Variants in GRM7 observed in about 807,000 individuals in gnomAD.
GRM7 encodes metabotropic glutamate receptor 7.
Under a neutral mutation model 84.5 loss-of-function variants are expected in GRM7, and 35 were observed. That is an observed-to-expected ratio of 0.41 (90% CI 0.32 to 0.55). The LOEUF is 0.55. Ranked by LOEUF, GRM7 falls within the 20% of genes least tolerant of loss-of-function variation. GRM7 has a pLI of 0.19. For synonymous variants in GRM7, 487 were observed against 455.1 expected (o/e 1.07, Z -0.89); for missense variants, 1,003 against 1,194.6 (o/e 0.84, Z 2.36).
At chr3:6,998,296 T>C (rs1575113769) in intron 1 of GRM7, among the ~76,000 whole-genome samples, 1 of 151,976 alleles carries the variant, frequency 6.6e-6, no homozygotes, top group East Asian at 1.9e-4. Context: ...TTAGAAATAA[T>C]CTCCTTTAAC....
chr3:7,255,796 A>G (rs777668024), intron 2 of GRM7, among the ~76,000 whole-genome samples: 1 of 152,158 alleles, frequency 6.6e-6, no homozygotes, highest in East Asian at 1.9e-4. Context: ...AAGCACACTA[A>G]CCAGCAATAA....
chr3:6,913,833 A>G (rs1015904432), intron 1 of GRM7, among the ~76,000 whole-genome samples: 4 of 152,320 alleles, frequency 2.6e-5, no homozygotes, highest in South Asian at 2.1e-4. Context: ...ACAGAATGAT[A>G]GAGTTCATAA....
intron 2 of GRM7, among the ~76,000 whole-genome samples, chr3:7,167,019 G>T (rs1286594985): frequency 6.6e-6 from 1 of 152,176 alleles, no homozygotes; most frequent in East Asian, 1.9e-4. Context: ...TATCTCAAAT[G>T]AGGTGATAAA....
rs4054139 is a variant in GRM7 at position 7,634,503 on chromosome 3, G to T, written c.2452-45546G>T. 6.3e-5 allele frequency among the ~76,000 whole-genome samples: 4 copies of T among 63,934 alleles called. 1 individual carries two copies. Among genetic ancestry groups the T allele is most frequent in the South Asian group, 7.3e-4 (1 of 1,378 alleles). 41.9% of individuals were successfully genotyped at this position (63,934 alleles called of 152,430 possible). A position where few individuals can be genotyped will look rare whatever the true frequency, so the allele number is the denominator to read the frequency against. On this transcript the variant is annotated intron_variant, in intron 8 of 9. Coordinates refer to ENST00000357716, the MANE Select transcript of GRM7 (RefSeq NM_000844.4). Reference sequence around the variant, plus strand: ...CCAAAAAAAAAAAAAAAAAAAAAAAGGGCTGGGCTCCATGGCTCACGCCTG... The same window carrying T: ...CCAAAAAAAAAAAAAAAAAAAAAAATGGCTGGGCTCCATGGCTCACGCCTG...
intron 1 of GRM7, among the ~76,000 whole-genome samples, chr3:7,070,418 A>T (rs565386433): frequency 1.8e-4 from 27 of 152,246 alleles, no homozygotes; most frequent in Non-Finnish European, 4.0e-4. Flanking sequence ...TGCATTAATT[A>T]CAAATGAATG....
chr3:6,969,121 A>T (rs1210538892), intron 1 of GRM7, among the ~76,000 whole-genome samples: 1 of 151,968 alleles, frequency 6.6e-6, no homozygotes, highest in Non-Finnish European at 1.5e-5. Flanking sequence ...CCAGTAATTT[A>T]AAAACTACCA....
At chr3:6,884,753 C>G (rs1339467727) in intron 1 of GRM7, among the ~76,000 whole-genome samples, 1 of 152,076 alleles carries the variant, frequency 6.6e-6, no homozygotes, top group Non-Finnish European at 1.5e-5. Flanking sequence ...ACGCCCACCA[C>G]CACACCTGGC....
intron 9 of GRM7, among the ~76,000 whole-genome samples, chr3:7,691,513 T>C (rs569926929): frequency 1.3e-5 from 2 of 152,290 alleles, no homozygotes; most frequent in East Asian, 1.9e-4. Context: ...TTTAATAAGA[T>C]GGAAATAAGC....
chr3:7,696,682 C>T (rs2125155155), intron 9 of GRM7, among the ~76,000 whole-genome samples: 1 of 152,218 alleles, frequency 6.6e-6, no homozygotes, highest in Non-Finnish European at 1.5e-5. Context: ...ATTGACGTGT[C>T]TTATTTTTTT....
At chr3:6,924,701 G>A (rs1162784196) in intron 1 of GRM7, among the ~76,000 whole-genome samples, 1 of 151,756 alleles carries the variant, frequency 6.6e-6, no homozygotes, top group Non-Finnish European at 1.5e-5. Context: ...CAGTTTTATA[G>A]ATATATATAA....
At chr3:6,985,837 G>A (rs1265013565) in intron 1 of GRM7, among the ~76,000 whole-genome samples, 1 of 152,144 alleles carries the variant, frequency 6.6e-6, no homozygotes, top group Non-Finnish European at 1.5e-5. Context: ...AAATATTAAG[G>A]TATTAATACT....
At position 7,504,352 on chromosome 3, in the gene GRM7, C is replaced by T. The variant is rs370027853; in HGVS notation, c.1515+42630C>T. On this transcript the variant is annotated intron_variant, in intron 7 of 9. Transcript: ENST00000357716. ...ATTCATGCCTCAGTTCTCCAATCAG[C>T]TGCCTCCTTCTCTTTAGATAGATCT... Among the ~76,000 whole-genome samples the T allele has an allele frequency of 2.1e-4, 32 of 152,312 alleles. No homozygotes were observed. In the South Asian group the frequency reaches 2.3e-3, roughly 11 times the overall value.
chr3:7,692,225 C>G (rs982613985), intron 9 of GRM7, among the ~76,000 whole-genome samples: 1 of 152,136 alleles, frequency 6.6e-6, no homozygotes, highest in Non-Finnish European at 1.5e-5. Context: ...AGGCTCATAC[C>G]ACCTGATATA....
chr3:7,202,019 A>G (rs1300214219), intron 2 of GRM7, among the ~76,000 whole-genome samples: 1 of 152,010 alleles, frequency 6.6e-6, no homozygotes, highest in African/African-American at 2.4e-5. Flanking sequence ...TCAACCTTAC[A>G]GGAACTTTAA....
chr3:6,956,527 C>T lies in GRM7; in HGVS notation c.519+94620C>T, dbSNP rs1052300931. The T allele has an allele frequency of 1.3e-5, 6 of 455,014 alleles. No individual in the cohort carries two copies. The East Asian group carries it at 2.1e-4, about 16-fold the overall frequency. 28.2% of individuals were successfully genotyped at this position (455,014 alleles called of 1,614,324 possible). A position where few individuals can be genotyped will look rare whatever the true frequency, so the allele number is the denominator to read the frequency against. On this transcript the variant is annotated intron_variant, in intron 1 of 9. Transcript: ENST00000357716. ...TATGAGAAGAAAACCAGAGAGATTTCTGTGGCATATTTTCCACACTCTCTC... is the reference window on the plus strand; with the variant it reads ...TATGAGAAGAAAACCAGAGAGATTTTTGTGGCATATTTTCCACACTCTCTC...
chr3:7,729,003 C>T (rs1702221248), intron 9 of GRM7, among the ~76,000 whole-genome samples: 1 of 151,526 alleles, frequency 6.6e-6, no homozygotes, highest in Non-Finnish European at 1.5e-5. Flanking sequence ...GTCATCCTCT[C>T]TGCACCTTGG....
intron 8 of GRM7, among the ~76,000 whole-genome samples, chr3:7,669,879 G>T (rs3792435): frequency 0.12 from 17,860 of 148,198 alleles, 2,311 homozygotes; most frequent in African/African-American, 0.31. Flanking sequence ...CCATTTAGAG[G>T]CATGGACTGA....
At chr3:7,327,814 A>G (rs1270998085) in intron 4 of GRM7, among the ~76,000 whole-genome samples, 1 of 152,248 alleles carries the variant, frequency 6.6e-6, no homozygotes, top group Non-Finnish European at 1.5e-5. Context: ...ATGTATAATC[A>G]AAGCTGACCT....
intron 8 of GRM7, among the ~76,000 whole-genome samples, chr3:7,582,671 A>C (rs2125056420): frequency 6.6e-6 from 1 of 152,268 alleles, no homozygotes; most frequent in South Asian, 2.1e-4. Flanking sequence ...AGGTTATATT[A>C]CAAAACTTAA....
Sources: allele counts gnomAD v4.1 joint callset (sites outside exome capture counted in the v4.1 genomes callset), GRCh38; gene constraint gnomAD v4.1.1; transcripts MANE v1.5; gene names NCBI Gene and HGNC (gene_info 2026-07-23, HGNC 2026-07-21).